Variants in RNF167 observed in about 807,000 individuals in gnomAD.
RNF167 encodes E3 ubiquitin-protein ligase RNF167.
RNF167 carries 19 observed loss-of-function variants against 34.8 expected under a neutral mutation model. The observed-to-expected ratio is 0.55, with a 90% CI of 0.38 to 0.80. RNF167 has a LOEUF of 0.80. Ranked by LOEUF, RNF167 falls within the 30% of genes least tolerant of loss-of-function variation. The probability of loss-of-function intolerance (pLI) is 0.00; values close to 1 mark genes in which losing one functional copy is unlikely to be tolerated. For synonymous variants in RNF167, 200 were observed against 170.4 expected, an observed-to-expected ratio of 1.17 and a Z score of -1.35; for missense variants, 464 against 447.0, an observed-to-expected ratio of 1.04 and a Z score of -0.34.
chr17:4,943,615 G>A (rs879379456), intron 8 of RNF167, 96 bp downstream of exon 8: 10 of 1,015,430 alleles, frequency 9.8e-6, no homozygotes, highest in Non-Finnish European at 1.4e-5. Flanking sequence ...GATGGCAGTG[G>A]CCGGGCACAG....
chr17:4,945,120 AC>A lies in RNF167; in HGVS notation c.*107del. 3 of 1,080,034 alleles carry A rather than the reference AC, an allele frequency of 2.8e-6. No homozygotes were observed. Among genetic ancestry groups the A allele is most frequent in the South Asian group, 1.7e-5 (1 of 58,390 alleles). 66.9% of individuals were successfully genotyped at this position (1,080,034 alleles called of 1,614,324 possible). A position where few individuals can be genotyped will look rare whatever the true frequency, so the allele number is the denominator to read the frequency against. On this transcript the variant is annotated 3_prime_UTR_variant, in exon 10 of 10. Coordinates refer to ENST00000262482, the MANE Select transcript of RNF167 (RefSeq NM_015528.3). ...ACATTCCATCCCAAGCTTCTCCCTT[AC>A]CCACACCTATCCTTTTGAGGGGCTT...
At position 4,945,161 on chromosome 17, in the gene RNF167, GGCAA is replaced by G. The variant is rs1014044500; in HGVS notation, c.*149_*152del. ...TTGAGGGGCTTTGGGGTGGAGCTGG[GGCAA>G]GCAGAGGGACTGGGTCTTCACTTCT... On this transcript the variant is annotated 3_prime_UTR_variant, in exon 10 of 10. Transcript: ENST00000262482. 3 of 651,654 alleles carry G rather than the reference GGCAA, an allele frequency of 4.6e-6. No homozygotes were observed. In the African/African-American group the frequency reaches 5.6e-5, roughly 12 times the overall value. 40.4% of individuals were successfully genotyped at this position (651,654 alleles called of 1,614,324 possible).
chr17:4,944,661 A>G (rs117015391), intron 9 of RNF167, 23 bp downstream of exon 9: 29 of 1,613,880 alleles, frequency 1.8e-5, no homozygotes, highest in Non-Finnish European at 2.5e-5. Context: ...CTGCCTGCCC[A>G]TGCCCCTCTG....
intron 4 of RNF167, 28 bp downstream of exon 4, chr17:4,942,494 C>G (rs772563398): frequency 3.1e-6 from 5 of 1,613,414 alleles, no homozygotes; most frequent in African/African-American, 2.7e-5. Context: ...GGGAGCTGGG[C>G]AGCTGAGGGT....
Position 4,943,482 on chromosome 17 carries a change from G to C in RNF167, c.633G>C (p.Glu211Asp). The C allele has an allele frequency of 6.2e-7, 1 of 1,613,996 alleles. No individual in the cohort carries two copies. The highest frequency in any genetic ancestry group is 8.5e-7 in the Non-Finnish European group (1 of 1,179,964). Residue 211 changes from glutamate to aspartate, a missense_variant, in exon 8 of 10, where the codon GAG becomes GAC. Coordinates refer to ENST00000262482, the MANE Select transcript of RNF167 (RefSeq NM_015528.3). ...TCCAGCGGAATCGACTTACCAAAGA[G>C]CAACTGAAACAGATTCCTACACATG... is the stretch of plus-strand genomic sequence containing the variant. ...KRLQRNRLTK[E>D]QLKQIPTHDY...
At chr17:4,942,818 T>G in intron 5 of RNF167, 33 bp from the exon 6 acceptor site, 1 of 1,606,688 alleles carries the variant, frequency 6.2e-7, no homozygotes, top group Non-Finnish European at 8.5e-7. Context: ...TAGAAGGTTG[T>G]GAGTCCCCAG....
intron 8 of RNF167, among the ~76,000 whole-genome samples, chr17:4,943,974 A>G (rs1445009330): frequency 6.6e-6 from 1 of 152,238 alleles, no homozygotes; most frequent in East Asian, 1.9e-4. Context: ...CCTGGGCGAC[A>G]GAGGGAGTCC....
At position 4,944,884 on chromosome 17, in the gene RNF167, G is replaced by C. The variant is rs1195370894; in HGVS notation, c.921G>C (p.Arg307Ser). 1.2e-6 allele frequency: 2 copies of C among 1,613,962 alleles called. No individual in the cohort carries two copies. Among genetic ancestry groups the C allele is most frequent in the Non-Finnish European group, 1.7e-6 (2 of 1,179,944 alleles). ...CAAGGGACCACCCTGCCTCAGAAAG[G>C]ACCCCACTTTTGGGTTCTAGCCCCA... The part of the protein sequence containing the change: ...GEPRDHPASE[R>S]TPLLGSSPTL... Residue 307 changes from arginine (R) to serine (S), a missense_variant, in exon 10 of 10, where the codon AGG becomes AGC. Physicochemically the swap from Arg to Ser is moderately radical, Grantham distance 110. Transcript: ENST00000262482.
At position 4,944,653 on chromosome 17, in the gene RNF167, G is replaced by A. The variant is rs767525997; in HGVS notation, c.751+15G>A. ...CTGTGCTCATGGTGAGGCCCTCACTGCCTGCCCATGCCCCTCTGCCACCAG... is the reference window on the plus strand; with the variant it reads ...CTGTGCTCATGGTGAGGCCCTCACTACCTGCCCATGCCCCTCTGCCACCAG... On this transcript the variant is annotated intron_variant, in intron 9 of 9. Coordinates refer to ENST00000262482, the MANE Select transcript of RNF167 (RefSeq NM_015528.3). The A allele has an allele frequency of 1.1e-5, 18 of 1,613,972 alleles. No individual in the cohort carries two copies. Among genetic ancestry groups the A allele is most frequent in the Admixed American group, 5.0e-5 (3 of 59,996 alleles).
Position 4,944,740 on chromosome 17 carries a change from C to G in RNF167, c.777C>G (p.Pro259=), listed in dbSNP as rs763102413. ...AHAYHSRCVD[P]WLTQTRKTCP... ...CCTACCACAGCCGCTGCGTGGACCC[C>G]TGGCTCACTCAGACCCGGAAGACCT... is the stretch of plus-strand genomic sequence containing the variant. Residue 259 remains proline (P), a synonymous_variant, in exon 10 of 10, where the codon CCC becomes CCG. Coordinates refer to ENST00000262482, the MANE Select transcript of RNF167 (RefSeq NM_015528.3). The G allele has an allele frequency of 5.6e-6, 9 of 1,613,910 alleles. No individual in the cohort carries two copies. In the South Asian group the frequency reaches 9.9e-5, roughly 18 times the overall value.
intron 8 of RNF167, 87 bp from the exon 9 acceptor site, chr17:4,944,471 A>G: frequency 6.6e-7 from 1 of 1,508,100 alleles, no homozygotes; most frequent in Non-Finnish European, 8.9e-7. Flanking sequence ...TTTGTAGGTG[A>G]GGGGAAATTT....
At position 4,944,872 on chromosome 17, in the gene RNF167, T is replaced by A; in HGVS notation, c.909T>A (p.Pro303=). ...EGDEGEPRDH[P]ASERTPLLGS... is the part of the protein sequence containing the mutation. ...ATGAAGGGGAGCCAAGGGACCACCC[T>A]GCCTCAGAAAGGACCCCACTTTTGG... Residue 303 remains proline, a synonymous_variant, in exon 10 of 10, where the codon CCT becomes CCA. Coordinates refer to ENST00000262482, the MANE Select transcript of RNF167 (RefSeq NM_015528.3). 10 of 1,614,038 alleles carry A rather than the reference T, an allele frequency of 6.2e-6. No homozygotes were observed. The highest frequency in any genetic ancestry group is 2.7e-5 in the African/African-American group (2 of 75,044).
chr17:4,944,815 A>G lies in RNF167; in HGVS notation c.852A>G (p.Gln284=). ...ATCGGGGTCCTGGGGACGAAGACCA[A>G]GAGGAAGAAACTCAAGGGCAAGAGG... ...PVHRGPGDED[Q]EEETQGQEEG... is the part of the protein sequence containing the mutation. The change falls in exon 10 of 10, where the codon CAA becomes CAG. Residue 284 remains glutamine, a synonymous_variant. Transcript: ENST00000262482. 6.2e-7 allele frequency: 1 copy of G among 1,612,554 alleles called. No individual in the cohort carries two copies. The highest frequency in any genetic ancestry group is 8.5e-7 in the Non-Finnish European group (1 of 1,179,228).
At chr17:4,943,325 G>A in intron 7 of RNF167, 41 bp downstream of exon 7, 1 of 1,595,366 alleles carries the variant, frequency 6.3e-7, no homozygotes, top group East Asian at 2.2e-5. Flanking sequence ...ACTGAGGCCT[G>A]TGAGGCCAGA....
rs538489848 is a variant in RNF167, at chr17:4,942,847, G to A, written c.380-4G>A. 6.2e-6 allele frequency: 10 copies of A among 1,614,034 alleles called. No individual in the cohort carries two copies. In the East Asian group the frequency reaches 2.2e-4, roughly 36 times the overall value. ...TCCCCAGAGTAACACCTTGATCCCT[G>A]CAGAGGAAATCCAGCAGCAGATCTG... On this transcript the variant is annotated splice_polypyrimidine_tract_variant and splice_region_variant and intron_variant, in intron 5 of 9. Transcript: ENST00000262482.
chr17:4,942,285 TAG>T lies in RNF167; in HGVS notation c.166-51_166-50del. 1.3e-6 allele frequency: 2 copies of T among 1,597,352 alleles called. 1 individual carries two copies. The highest frequency in any genetic ancestry group is 2.2e-5 in the South Asian group (2 of 90,612). On this transcript the variant is annotated intron_variant, in intron 3 of 9. Coordinates refer to ENST00000262482, the MANE Select transcript of RNF167 (RefSeq NM_015528.3). ...GGGCTGGTGTGTTTGGTGGCCCCTG[TAG>T]AGAGCAGAATCTAGAAAGGAGAAAT... is the stretch of plus-strand genomic sequence containing the variant.
At chr17:4,941,695 C>T (rs967549530) in intron 3 of RNF167, among the ~76,000 whole-genome samples, 1 of 152,012 alleles carries the variant, frequency 6.6e-6, no homozygotes, top group African/African-American at 2.4e-5. Context: ...CGCGGTGGCT[C>T]ACATCTGTAA....
Position 4,945,134 on chromosome 17 carries a change from T to C in RNF167, c.*118T>C. The C allele has an allele frequency of 1.1e-6, 1 of 936,948 alleles. No homozygotes were observed. The highest frequency in any genetic ancestry group is 1.5e-6 in the Non-Finnish European group (1 of 648,096). 58.0% of individuals were successfully genotyped at this position (936,948 alleles called of 1,614,324 possible). Reference sequence around the variant, plus strand: ...GCTTCTCCCTTACCCACACCTATCCTTTTGAGGGGCTTTGGGGTGGAGCTG... The same window carrying C: ...GCTTCTCCCTTACCCACACCTATCCCTTTGAGGGGCTTTGGGGTGGAGCTG... On this transcript the variant is annotated 3_prime_UTR_variant, in exon 10 of 10. Transcript: ENST00000262482.
intron 5 of RNF167, 29 bp downstream of exon 5, chr17:4,942,693 G>A: frequency 6.2e-7 from 1 of 1,609,850 alleles, no homozygotes; most frequent in East Asian, 2.2e-5. Flanking sequence ...ATACAGCTGG[G>A]CTTTCAGTAG....
Sources: allele counts gnomAD v4.1 joint callset (sites outside exome capture counted in the v4.1 genomes callset), GRCh38; gene constraint gnomAD v4.1.1; transcripts MANE v1.5; gene names NCBI Gene and HGNC (gene_info 2026-07-23, HGNC 2026-07-21).